GAS6: variants seen among roughly 807,000 people sequenced by gnomAD.
The protein encoded by GAS6 is growth arrest specific 6, also known as growth arrest-specific protein 6.
Under a neutral mutation model 75.8 loss-of-function variants are expected in GAS6, and 41 were observed. That is an observed-to-expected ratio of 0.54 (90% confidence interval 0.42 to 0.70). The LOEUF (loss-of-function observed/expected upper bound fraction) is 0.70. Ranked by LOEUF, GAS6 falls within the 30% of genes least tolerant of loss-of-function variation. GAS6 has a pLI of 0.00. For missense variants in GAS6, 854 were observed against 940.2 expected (o/e 0.91, Z 1.20); for synonymous variants, 432 against 412.6 (o/e 1.05, Z -0.57).
intron 2 of GAS6, among the ~76,000 whole-genome samples, chr13:113,858,915 A>G (rs2051942658): frequency 6.7e-6 from 1 of 148,250 alleles, no homozygotes; most frequent in Admixed American, 6.7e-5. Flanking sequence ...GTATGTGTAC[A>G]TGTCTGTTAG....
At chr13:113,859,693 T>C (rs553328732) in intron 2 of GAS6, among the ~76,000 whole-genome samples, 2 of 152,282 alleles carry the variant, frequency 1.3e-5, no homozygotes, top group East Asian at 3.9e-4. Context: ...TGTGTGTCCC[T>C]GCACACCTGT....
chr13:113,852,993 G>C (rs569161062), intron 2 of GAS6, among the ~76,000 whole-genome samples: 3 of 152,282 alleles, frequency 2.0e-5, no homozygotes, highest in Admixed American at 2.0e-4. Flanking sequence ...GGGCCGGGGG[G>C]ACTCTTCCCC....
chr13:113,824,129 CGTGGTCTGGGGTCTGAGCTGTCGGGAGCA>C lies in GAS6; in HGVS notation c.1478-608_1478-580del, dbSNP rs1566352528. 1.9e-4 allele frequency among the ~76,000 whole-genome samples: 15 copies of C among 77,778 alleles called. 2 individuals are homozygous for C. Among genetic ancestry groups the C allele is most frequent in the African/African-American group, 4.6e-4 (6 of 12,912 alleles). The allele number at this position is 77,778 out of a possible 152,430, so 51.0% of individuals were successfully genotyped here. On this transcript the variant is annotated intron_variant, in intron 12 of 14. Transcript: ENST00000327773. ...CTGAGTTCTGAGCTGTCAGGAGCAC[CGTGGTCTGGGGTCTGAGCTGTCGGGAGCA>C]CGCGTGGTCTGGGGTCTGAGCTGTC...
At chr13:113,828,079 C>T (rs901841883) in intron 11 of GAS6, among the ~76,000 whole-genome samples, 8 of 151,968 alleles carry the variant, frequency 5.3e-5, no homozygotes, top group Non-Finnish European at 1.0e-4. Context: ...ATCGAGACCA[C>T]GGCGAAACCC....
At position 113,832,500 on chromosome 13, in the gene GAS6, C is replaced by A; in HGVS notation, c.954-12G>T. ...ACTCAGCTACCAGCCTGGGCACCCA[C>A]AGGAGAAATGAGTCAGCACTGGGCA... On this transcript the variant is annotated splice_polypyrimidine_tract_variant and intron_variant, in intron 9 of 14. Transcript: ENST00000327773. 6.3e-7 allele frequency: 1 copy of A among 1,595,084 alleles called. No individual in the cohort carries two copies. The highest frequency in any genetic ancestry group is 1.1e-5 in the South Asian group (1 of 88,516).
chr13:113,823,924 G>C (rs1285445214), intron 12 of GAS6, among the ~76,000 whole-genome samples: 1 of 152,244 alleles, frequency 6.6e-6, no homozygotes, highest in Admixed American at 6.5e-5. Context: ...TCCTCAGAGC[G>C]TGCGTGGCCT....
At chr13:113,832,121 C>T (rs1286892671) in intron 10 of GAS6, among the ~76,000 whole-genome samples, 178 bp downstream of exon 10, 1 of 150,018 alleles carries the variant, frequency 6.7e-6, no homozygotes, top group Non-Finnish European at 1.5e-5. Context: ...CTAAACGGGG[C>T]AGGGGTCCCC....
At chr13:113,827,304 C>T (rs2051563482) in intron 11 of GAS6, 140 bp from the exon 12 acceptor site, 1 of 759,476 alleles carries the variant, frequency 1.3e-6, no homozygotes, top group Non-Finnish European at 2.2e-6. Context: ...CGGTGGTGGC[C>T]ATTTCACAGA....
intron 2 of GAS6, among the ~76,000 whole-genome samples, chr13:113,862,564 C>G (rs946430897): frequency 2.6e-5 from 4 of 152,208 alleles, no homozygotes; most frequent in African/African-American, 4.8e-5. Flanking sequence ...GGGCAGCCCC[C>G]GGGCAACAGC....
At position 113,839,882 on chromosome 13, in the gene GAS6, T is replaced by C. The variant is rs368510614; in HGVS notation, c.344-32A>G. ...GGGGACACAAAGTGGAAAATCATGT[T>C]CAGCTGCCCCACCCCTGCGCGCCCA... On this transcript the variant is annotated intron_variant, in intron 4 of 14. Coordinates refer to ENST00000327773, the MANE Select transcript of GAS6 (RefSeq NM_000820.4). 46 of 1,613,178 alleles carry C rather than the reference T, an allele frequency of 2.9e-5. No homozygotes were observed. In the African/African-American group the frequency reaches 5.6e-4, roughly 20 times the overall value.
Position 113,832,803 on chromosome 13 carries a change from T to G in GAS6, c.835-51A>C. The stretch of plus-strand genomic sequence containing the variant: ...TCGGGGATGTGGCCTTCACTCCTGC[T>G]CCCCTGAGCCCCACGCCCCGGCCGC... On this transcript the variant is annotated intron_variant, in intron 8 of 14. Transcript: ENST00000327773. 3 of 1,610,254 alleles carry G rather than the reference T, an allele frequency of 1.9e-6. No homozygotes were observed. The South Asian group carries it at 3.3e-5, about 18-fold the overall frequency.
chr13:113,821,420 T>G (rs907115633), intron 14 of GAS6: 3 of 240,214 alleles, frequency 1.2e-5, no homozygotes, highest in African/African-American at 6.6e-5. Context: ...TTGCCGCAAG[T>G]GAAAACCTGC....
At chr13:113,851,470 T>C (rs1213878606) in intron 2 of GAS6, among the ~76,000 whole-genome samples, 1 of 150,474 alleles carries the variant, frequency 6.6e-6, no homozygotes, top group Non-Finnish European at 1.5e-5. Flanking sequence ...TGAGAGTGAG[T>C]AGATAGATGA....
chr13:113,846,959 G>A, intron 3 of GAS6: 1 of 487,282 alleles, frequency 2.1e-6, no homozygotes, highest in Non-Finnish European at 4.1e-6. Context: ...GAAACGCTGT[G>A]CTTAACTGGA....
intron 2 of GAS6, among the ~76,000 whole-genome samples, chr13:113,858,730 T>G (rs1238864661): frequency 6.6e-6 from 1 of 152,154 alleles, no homozygotes; most frequent in Non-Finnish European, 1.5e-5. Context: ...AATGTGTGCA[T>G]GTATGTGTAC....
At chr13:113,829,980 CT>C (rs1383084064) in intron 10 of GAS6, among the ~76,000 whole-genome samples, 1 of 151,860 alleles carries the variant, frequency 6.6e-6, no homozygotes, top group African/African-American at 2.4e-5. Context: ...AGGAGACCAC[CT>C]GATCCACACC....
Position 113,848,132 on chromosome 13 carries a change from A to G in GAS6, c.256-82T>C, listed in dbSNP as rs2051848112. 6.8e-7 allele frequency: 1 copy of G among 1,478,300 alleles called. No homozygotes were observed. Among genetic ancestry groups the G allele is most frequent in the Non-Finnish European group, 9.3e-7 (1 of 1,075,648 alleles). The allele number at this position is 1,478,300 out of a possible 1,614,324, so 91.6% of individuals were successfully genotyped here. A position where few individuals can be genotyped will look rare whatever the true frequency, so the allele number is the denominator to read the frequency against. ...GAACAACATAAGCATCAGCTGGTTA[A>G]TCAGAGGCTGCTCTCGGGGCAGCCA... is the stretch of plus-strand genomic sequence containing the variant. On this transcript the variant is annotated intron_variant, in intron 2 of 14. Coordinates refer to ENST00000327773, the MANE Select transcript of GAS6 (RefSeq NM_000820.4). The surrounding 1 kb of genome is among the most constrained non-coding windows in gnomAD (Gnocchi z 4.8).
At chr13:113,836,984 G>A (rs1331048982) in intron 6 of GAS6, among the ~76,000 whole-genome samples, 1 of 151,514 alleles carries the variant, frequency 6.6e-6, no homozygotes, top group Non-Finnish European at 1.5e-5. Context: ...GGCAGTAACT[G>A]TGAGCCTAGA....
chr13:113,822,030 G>A lies in GAS6; in HGVS notation c.1810C>T (p.Leu604=), dbSNP rs1288631197. ...RGQSEVSAAQ[L]QERLAVLERH... The stretch of plus-strand genomic sequence containing the variant: ...TCGAGCACGGCCAGCCTCTCCTGCA[G>A]CTGCGCGGCGCTCACCTCGCTCTGG... The change falls in exon 14 of 15, where the codon CTG becomes TTG. Residue 604 remains leucine, a synonymous_variant. Coordinates refer to ENST00000327773, the MANE Select transcript of GAS6 (RefSeq NM_000820.4). 7 of 1,570,702 alleles carry A rather than the reference G, an allele frequency of 4.5e-6. No homozygotes were observed. The highest frequency in any genetic ancestry group is 6.0e-6 in the Non-Finnish European group (7 of 1,159,898).
Sources: allele counts gnomAD v4.1 joint callset (sites outside exome capture counted in the v4.1 genomes callset), GRCh38; gene constraint gnomAD v4.1.1; non-coding constraint Gnocchi (gnomAD v3.1); transcripts MANE v1.5; gene names NCBI Gene and HGNC (gene_info 2026-07-23, HGNC 2026-07-21).